Variants in NSUN4 observed in about 807,000 individuals in gnomAD.
NSUN4 encodes the protein NOP2/Sun RNA methyltransferase 4, also known as 5-cytosine rRNA methyltransferase NSUN4.
NSUN4 carries 31 observed loss-of-function variants against 43.8 expected under a neutral mutation model. The ratio of observed to expected loss-of-function variants is 0.71; its 90% CI spans 0.53 to 0.96. The LOEUF (loss-of-function observed/expected upper bound fraction) is 0.96. Ranked by LOEUF, NSUN4 falls within the 40% of genes least tolerant of loss-of-function variation. NSUN4 has a pLI of 0.00. For synonymous variants in NSUN4, 167 were observed against 184.1 expected (o/e 0.91, Z 0.75); for missense variants, 439 against 475.6 (o/e 0.92, Z 0.72).
At position 46,352,980 on chromosome 1, in the gene NSUN4, A is replaced by G. The variant is rs1005559715; in HGVS notation, c.705A>G (p.Ser235=). 6.2e-7 allele frequency: 1 copy of G among 1,614,080 alleles called. No individual in the cohort carries two copies. The highest frequency in any genetic ancestry group is 1.3e-5 in the African/African-American group (1 of 74,946). The change falls in exon 4 of 6, where the codon TCA becomes TCG. Residue 235 remains serine, a synonymous_variant. Transcript: ENST00000474844. ...IRDGNQVRVT[S]WDGRKWGELE... is the part of the protein sequence containing the mutation. ...ATGGAAATCAAGTTCGAGTTACCTC[A>G]TGGGATGGCAGGAAATGGGGAGAAC...
At chr1:46,348,816 T>TTTTG (rs1250358746) in intron 3 of NSUN4, among the ~76,000 whole-genome samples, 1 of 140,644 alleles carries the variant, frequency 7.1e-6, no homozygotes, top group Non-Finnish European at 1.5e-5. Flanking sequence ...CTGTTTTTTT[T>TTTTG]TTTTTTTTTT....
intron 1 of NSUN4, chr1:46,343,690 C>T (rs1238111538): frequency 7.5e-6 from 3 of 400,190 alleles, no homozygotes; most frequent in Non-Finnish European, 1.3e-5. Flanking sequence ...AGCAGTAATC[C>T]TCAACAAAAC....
At chr1:46,372,846 C>T in the NSUN4 span, among the ~76,000 whole-genome samples, 23 of 152,310 alleles carry the variant, frequency 1.5e-4, no homozygotes, top group South Asian at 4.1e-3. Context: ...CCTCAGCCTC[C>T]GAAGTAGCTG....
downstream of NSUN4, among the ~76,000 whole-genome samples, chr1:46,369,282 A>G (rs1234082512): frequency 3.3e-5 from 5 of 152,138 alleles, no homozygotes; most frequent in African/African-American, 7.2e-5. Flanking sequence ...GTAAGCTGGT[A>G]TTTATTTTTG....
chr1:46,346,138 G>A (rs1418041321), intron 2 of NSUN4, among the ~76,000 whole-genome samples: 57 of 136,002 alleles, frequency 4.2e-4, no homozygotes, highest in African/African-American at 1.2e-3. Context: ...GCGACAGAGC[G>A]AGACTCTGTC....
chr1:46,384,457 A>T, the NSUN4 span, among the ~76,000 whole-genome samples: 1 of 152,198 alleles, frequency 6.6e-6, no homozygotes, highest in African/African-American at 2.4e-5. Flanking sequence ...GCACCTGATA[A>T]GAATAAGTAC....
chr1:46,382,418 G>C, the NSUN4 span, among the ~76,000 whole-genome samples: 1 of 152,194 alleles, frequency 6.6e-6, no homozygotes. Flanking sequence ...GGTGCTGACG[G>C]ATAGGGAAGA....
chr1:46,353,719 C>T (rs1423908578), intron 4 of NSUN4, among the ~76,000 whole-genome samples: 2 of 152,076 alleles, frequency 1.3e-5, no homozygotes, highest in Non-Finnish European at 2.9e-5. Context: ...CCTCGTGATC[C>T]ACCCGCCTCG....
intron 1 of NSUN4, chr1:46,342,980 G>T: frequency 5.0e-6 from 2 of 399,440 alleles, no homozygotes; most frequent in South Asian, 2.6e-4. Context: ...CTACCTTACT[G>T]ACTGTGGTCC....
At chr1:46,351,411 T>C (rs1197332634) in intron 3 of NSUN4, among the ~76,000 whole-genome samples, 1 of 152,070 alleles carries the variant, frequency 6.6e-6, no homozygotes, top group East Asian at 1.9e-4. Context: ...TTCCAAAAAA[T>C]TGGGGTTCTA....
chr1:46,348,924 C>T (rs1471722421), intron 3 of NSUN4, among the ~76,000 whole-genome samples: 2 of 142,806 alleles, frequency 1.4e-5, no homozygotes, highest in Non-Finnish European at 3.0e-5. Flanking sequence ...AAGCAATTCT[C>T]TTGCCTCAGC....
chr1:46,358,621 C>T (rs1177928041), intron 4 of NSUN4, among the ~76,000 whole-genome samples: 12 of 148,826 alleles, frequency 8.1e-5, no homozygotes, highest in African/African-American at 2.2e-4. Context: ...AGGATGGTCT[C>T]GATCTCTTGA....
chr1:46,381,074 C>T, the NSUN4 span, among the ~76,000 whole-genome samples: 1 of 152,096 alleles, frequency 6.6e-6, no homozygotes, highest in South Asian at 2.1e-4. Flanking sequence ...ACTCTACAGC[C>T]AAGCTCTAAA....
downstream of NSUN4, among the ~76,000 whole-genome samples, chr1:46,366,661 C>T (rs1664140472): frequency 7.3e-6 from 1 of 137,118 alleles, no homozygotes. Flanking sequence ...GAGTTCGAGA[C>T]CAGGCTGGCC....
At chr1:46,350,459 C>A (rs968757417) in intron 3 of NSUN4, among the ~76,000 whole-genome samples, 1 of 152,194 alleles carries the variant, frequency 6.6e-6, no homozygotes. Context: ...TTGCATCTCG[C>A]ATTCTTTACC....
intron 3 of NSUN4, among the ~76,000 whole-genome samples, chr1:46,352,227 G>A (rs2148392123): frequency 6.6e-6 from 1 of 151,708 alleles, no homozygotes; most frequent in Admixed American, 6.6e-5. Context: ...AAGGCAGGCG[G>A]GATCACCTGA....
rs1229439116 is a variant in NSUN4 at position 46,363,142 on chromosome 1, A to G, written c.*1296A>G. The G allele has an allele frequency of 1.3e-5, 2 of 151,964 alleles. No individual in the cohort carries two copies. The highest frequency in any genetic ancestry group is 4.8e-5 in the African/African-American group (2 of 41,332). 9.4% of individuals were successfully genotyped at this position (151,964 alleles called of 1,614,324 possible). On this transcript the variant is annotated 3_prime_UTR_variant, in exon 6 of 6. Coordinates refer to ENST00000474844, the MANE Select transcript of NSUN4 (RefSeq NM_199044.4). ...TCCTGCTCATCCTTATTTGGGTATT[A>G]GAGGTGTCAGTTGAGGAGGGACTTT...
At chr1:46,354,149 C>G (rs1663203413) in intron 4 of NSUN4, among the ~76,000 whole-genome samples, 1 of 151,902 alleles carries the variant, frequency 6.6e-6, no homozygotes, top group African/African-American at 2.4e-5. Context: ...CTTTGTCACC[C>G]AGGCTGGAGT....
chr1:46,354,756 G>T (rs186557692), intron 4 of NSUN4, among the ~76,000 whole-genome samples: 2 of 152,036 alleles, frequency 1.3e-5, no homozygotes, highest in African/African-American at 4.8e-5. Context: ...CTGGGTTCAA[G>T]CCTGGGTTCA....
Sources: allele counts gnomAD v4.1 joint callset (sites outside exome capture counted in the v4.1 genomes callset), GRCh38; gene constraint gnomAD v4.1.1; transcripts MANE v1.5; gene names NCBI Gene and HGNC (gene_info 2026-07-23, HGNC 2026-07-21).